Variants in COBLL1 observed in about 807,000 individuals in gnomAD.
COBLL1 encodes cordon-bleu WH2 repeat protein like 1, also known as cordon-bleu protein-like 1.
Under a neutral mutation model 94.8 loss-of-function variants are expected in COBLL1, and 50 were observed. That is an observed-to-expected ratio of 0.53 (90% CI 0.42 to 0.67). The LOEUF (loss-of-function observed/expected upper bound fraction) is 0.67, where lower values mean the gene tolerates loss of function less well. Among genes scored for constraint, COBLL1 ranks in the 30% least tolerant of loss-of-function variants. The pLI is 0.00. For missense variants in COBLL1, 1,362 were observed against 1,348.7 expected (o/e 1.01, Z -0.15); for synonymous variants, 448 against 473.8 (o/e 0.95, Z 0.71).
chr2:164,778,695 T>C (rs1445380246), intron 2 of COBLL1, among the ~76,000 whole-genome samples: 2 of 152,112 alleles, frequency 1.3e-5, no homozygotes, highest in Non-Finnish European at 2.9e-5. Context: ...CTTATTTGCA[T>C]ATGGAGATAT....
intron 7 of COBLL1, among the ~76,000 whole-genome samples, chr2:164,719,116 G>T (rs1685321434): frequency 1.3e-5 from 2 of 151,816 alleles, no homozygotes; most frequent in Admixed American, 1.3e-4. Flanking sequence ...CTCTGTCCTG[G>T]ATTTCTCTAC....
At chr2:164,732,354 A>T (rs2105526491) in intron 3 of COBLL1, among the ~76,000 whole-genome samples, 1 of 152,300 alleles carries the variant, frequency 6.6e-6, no homozygotes, top group African/African-American at 2.4e-5. Context: ...TAAACAGGAC[A>T]TTTTAAATTT....
At chr2:164,783,183 G>A (rs1343925355) in intron 2 of COBLL1, among the ~76,000 whole-genome samples, 1 of 152,032 alleles carries the variant, frequency 6.6e-6, no homozygotes, top group Non-Finnish European at 1.5e-5. Context: ...GAGAGAATCA[G>A]TTGAGCCCAG....
intron 2 of COBLL1, among the ~76,000 whole-genome samples, chr2:164,805,134 G>A (rs1314925993): frequency 6.6e-6 from 1 of 150,734 alleles, no homozygotes; most frequent in Non-Finnish European, 1.5e-5. Context: ...GTAATTTTAA[G>A]TTTACAAAAA....
intron 9 of COBLL1, among the ~76,000 whole-genome samples, chr2:164,702,527 G>A (rs1684345611): frequency 7.8e-6 from 1 of 128,926 alleles, no homozygotes; most frequent in Non-Finnish European, 1.5e-5. Flanking sequence ...TCACGCCACT[G>A]CACTCCAGCC....
At chr2:164,822,719 T>C (rs1685223958) in intron 2 of COBLL1, among the ~76,000 whole-genome samples, 1 of 137,092 alleles carries the variant, frequency 7.3e-6, no homozygotes, top group African/African-American at 2.7e-5. Flanking sequence ...GTAAGCTCTC[T>C]GAAAAGATTA....
In COBLL1 at chr2:164,694,752, C is replaced by A; in HGVS notation, c.2640G>T (p.Val880=). ...QMQKRVSGHY[V]TSAAAKSVHA... Reference sequence around the variant, plus strand: ...GGACACTCTTGGCAGCTGCAGATGTCACATAGTGACCCGATACTCTCTTCT... The same window carrying A: ...GGACACTCTTGGCAGCTGCAGATGTAACATAGTGACCCGATACTCTCTTCT... The change falls in exon 12 of 14, where the codon GTG becomes GTT. Residue 880 remains valine, a synonymous_variant. Transcript: ENST00000652658. The A allele has an allele frequency of 6.2e-7, 1 of 1,613,680 alleles. No individual in the cohort carries two copies. Among genetic ancestry groups the A allele is most frequent in the Non-Finnish European group, 8.5e-7 (1 of 1,179,942 alleles).
chr2:164,786,290 T>G (rs1187283380), intron 2 of COBLL1, among the ~76,000 whole-genome samples: 1 of 152,104 alleles, frequency 6.6e-6, no homozygotes. Flanking sequence ...TACTAAGATA[T>G]AGAGTCCTGC....
intron 7 of COBLL1, among the ~76,000 whole-genome samples, chr2:164,716,528 A>T (rs1685180638): frequency 6.6e-6 from 1 of 152,200 alleles, no homozygotes; most frequent in South Asian, 2.1e-4. Flanking sequence ...AAGAGGGTAC[A>T]TAGAAATTTA....
At position 164,834,753 on chromosome 2, in the gene COBLL1, C is replaced by G. The variant is rs77823896; in HGVS notation, c.41+6403G>C. The stretch of plus-strand genomic sequence containing the variant: ...CAAATGAGCATGGGTGGCTGTTTGC[C>G]AGTAAAACTCTATAAATACAGGTGG... On this transcript the variant is annotated intron_variant, in intron 2 of 13. Transcript: ENST00000652658. 2.5e-4 allele frequency among the ~76,000 whole-genome samples: 38 copies of G among 152,168 alleles called. No individual in the cohort carries two copies. In the East Asian group the frequency reaches 6.4e-3, roughly 26 times the overall value.
intron 7 of COBLL1, chr2:164,721,728 C>CT (rs1489233828): frequency 6.3e-6 from 1 of 157,546 alleles, no homozygotes; most frequent in Non-Finnish European, 1.4e-5. Context: ...AAAATAAAGA[C>CT]TGTATTTCCA....
chr2:164,832,873 G>A (rs1251520523), intron 2 of COBLL1, among the ~76,000 whole-genome samples: 4 of 151,768 alleles, frequency 2.6e-5, no homozygotes, highest in African/African-American at 9.7e-5. Flanking sequence ...GAGAAACCCC[G>A]TCTCTACTAA....
Position 164,705,195 on chromosome 2 carries a change from T to C in COBLL1, c.997-90A>G, listed in dbSNP as rs1684521075. Reference sequence around the variant, plus strand: ...ACTGAACTTTACGTCAAGCACAGGATATATCCAAATGGAACATAACAGTCA... The same window carrying C: ...ACTGAACTTTACGTCAAGCACAGGACATATCCAAATGGAACATAACAGTCA... On this transcript the variant is annotated intron_variant, in intron 7 of 13. Transcript: ENST00000652658. 1.3e-5 allele frequency: 13 copies of C among 982,558 alleles called. No individual in the cohort carries two copies. In the Admixed American group the frequency reaches 3.2e-4, roughly 24 times the overall value. The allele number at this position is 982,558 out of a possible 1,614,324, so 60.9% of individuals were successfully genotyped here.
chr2:164,664,784 C>T (rs79737458), intron 2 of COBLL1, among the ~76,000 whole-genome samples: 1,538 of 152,160 alleles, frequency 0.01, 24 homozygotes, highest in African/African-American at 0.035. Flanking sequence ...ATGAGAATAA[C>T]GAGAAGATGT....
intron 2 of COBLL1, among the ~76,000 whole-genome samples, chr2:164,797,404 C>T (rs1411773123): frequency 6.6e-6 from 1 of 152,038 alleles, no homozygotes; most frequent in Admixed American, 6.6e-5. Context: ...AGTTTTGGGT[C>T]CCTTTACAAA....
At chr2:164,841,914 G>A (rs747869653), upstream of COBLL1, 5 of 1,453,796 alleles carry the variant, frequency 3.4e-6, no homozygotes, top group Non-Finnish European at 4.7e-6. The surrounding 1 kb of genome is among the most constrained non-coding windows in gnomAD (Gnocchi z 5.5). Flanking sequence ...GCGGGCGCTG[G>A]CTGGGCGCTG....
Position 164,694,457 on chromosome 2 carries a change from G to T in COBLL1, c.2935C>A (p.Pro979Thr). Residue 979 changes from proline to threonine, a missense_variant, in exon 12 of 14, where the codon CCA (proline) becomes ACA (threonine). Coordinates refer to ENST00000652658, the MANE Select transcript of COBLL1 (RefSeq NM_001365672.2). ...KTLKTFGAPR[P>T]YSSSGPSPFA... ...GGTGAAGGACCAGAACTTGAGTATG[G>T]TCGTGGGGCACCAAAAGTTTTCAAA... 6.2e-7 allele frequency: 1 copy of T among 1,613,972 alleles called. No homozygotes were observed. Among genetic ancestry groups the T allele is most frequent in the East Asian group, 2.2e-5 (1 of 44,862 alleles).
At chr2:164,807,026 T>C (rs544842468) in intron 2 of COBLL1, among the ~76,000 whole-genome samples, 1 of 152,238 alleles carries the variant, frequency 6.6e-6, no homozygotes, top group African/African-American at 2.4e-5. Context: ...TAGAAACTCA[T>C]CCATTTCATC....
chr2:164,762,480 C>A (rs1186190856), intron 2 of COBLL1, among the ~76,000 whole-genome samples: 1 of 152,204 alleles, frequency 6.6e-6, no homozygotes, highest in Admixed American at 6.5e-5. Context: ...GATTACAAGA[C>A]AGTATACTTC....
Sources: allele counts gnomAD v4.1 joint callset (sites outside exome capture counted in the v4.1 genomes callset), GRCh38; gene constraint gnomAD v4.1.1; non-coding constraint Gnocchi (gnomAD v3.1); transcripts MANE v1.5; gene names NCBI Gene and HGNC (gene_info 2026-07-23, HGNC 2026-07-21).